Variants in ZKSCAN1 observed in about 807,000 individuals in gnomAD.
The protein encoded by ZKSCAN1 is zinc finger with KRAB and SCAN domains 1, also known as zinc finger protein with KRAB and SCAN domains 1.
ZKSCAN1 carries 14 observed loss-of-function variants against 51.6 expected under a neutral mutation model. That is an observed-to-expected ratio of 0.27 (90% CI 0.18 to 0.42). The LOEUF (loss-of-function observed/expected upper bound fraction) is 0.42. ZKSCAN1 is among the 10% of genes least tolerant of loss of function. ZKSCAN1 has a pLI of 1.00. For synonymous variants in ZKSCAN1, 263 were observed against 261.5 expected, an observed-to-expected ratio of 1.01 and a Z score of -0.06; for missense variants, 531 against 710.0, an observed-to-expected ratio of 0.75 and a Z score of 2.86.
At chr7:100,017,181 T>TA (rs143221456) in intron 1 of ZKSCAN1, among the ~76,000 whole-genome samples, 4,144 of 152,058 alleles carry the variant, frequency 0.027, 189 homozygotes, top group African/African-American at 0.095. Flanking sequence ...GATTGCTCTT[T>TA]AAAAAAATGA....
At chr7:100,031,410 T>G (rs1278152770) in intron 5 of ZKSCAN1, among the ~76,000 whole-genome samples, 1 of 151,550 alleles carries the variant, frequency 6.6e-6, no homozygotes, top group East Asian at 1.9e-4. Flanking sequence ...CCCAAGTAGC[T>G]GGGACTACAG....
In ZKSCAN1 at chr7:100,036,668, A is replaced by G; in HGVS notation, c.*2471A>G. ...AGGAGGCAGAGGTTGCAGTGAGCCAAGATTGCACACTGCACTCCAGCCTGG... is the reference window on the plus strand; with the variant it reads ...AGGAGGCAGAGGTTGCAGTGAGCCAGGATTGCACACTGCACTCCAGCCTGG... On this transcript the variant is annotated 3_prime_UTR_variant, in exon 6 of 6. Coordinates refer to ENST00000324306, the MANE Select transcript of ZKSCAN1 (RefSeq NM_003439.4). 2.1e-6 allele frequency: 2 copies of G among 935,128 alleles called. No homozygotes were observed. The highest frequency in any genetic ancestry group is 1.8e-5 in the African/African-American group (1 of 56,150). 57.9% of individuals were successfully genotyped at this position (935,128 alleles called of 1,614,324 possible). A position where few individuals can be genotyped will look rare whatever the true frequency, so the allele number is the denominator to read the frequency against.
intron 1 of ZKSCAN1, among the ~76,000 whole-genome samples, chr7:100,019,561 C>T (rs1004058340): frequency 6.6e-6 from 1 of 152,010 alleles, no homozygotes; most frequent in Non-Finnish European, 1.5e-5. Context: ...TCTGTATACC[C>T]CACATGTCAG....
Position 100,035,350 on chromosome 7 carries a change from A to G in ZKSCAN1, c.*1153A>G, listed in dbSNP as rs1310935338. On this transcript the variant is annotated 3_prime_UTR_variant, in exon 6 of 6. Coordinates refer to ENST00000324306, the MANE Select transcript of ZKSCAN1 (RefSeq NM_003439.4). ...TAGACTTTCTAAACAGTGAGTAAAT[A>G]CCATGGAATGTCAGAAATGACTTTA... 2.6e-5 allele frequency: 4 copies of G among 152,216 alleles called. No individual in the cohort carries two copies. Among genetic ancestry groups the G allele is most frequent in the African/African-American group, 7.2e-5 (3 of 41,454 alleles). The allele number at this position is 152,216 out of a possible 1,614,324, so 9.4% of individuals were successfully genotyped here.
In ZKSCAN1 at chr7:100,023,926, A is replaced by G; in HGVS notation, c.420A>G (p.Gly140=). ...LLEDLELDLS[G]QQVPGQVHGP... ...AAGACTTGGAGCTTGATTTATCAGG[A>G]CAACAGGTAAAAAGAGGTGAAACCT... The change falls in exon 2 of 6, where the codon GGA becomes GGG. Residue 140 remains glycine, a synonymous_variant. Coordinates refer to ENST00000324306, the MANE Select transcript of ZKSCAN1 (RefSeq NM_003439.4). 7 of 1,582,660 alleles carry G rather than the reference A, an allele frequency of 4.4e-6. No individual in the cohort carries two copies. Among genetic ancestry groups the G allele is most frequent in the Non-Finnish European group, 5.1e-6 (6 of 1,169,604 alleles).
chr7:100,023,939 A>C lies in ZKSCAN1; in HGVS notation c.426+7A>C, dbSNP rs200066941. On this transcript the variant is annotated splice_region_variant and intron_variant, in intron 2 of 5. Transcript: ENST00000324306. ...TGATTTATCAGGACAACAGGTAAAA[A>C]GAGGTGAAACCTATTATGTGTGAGC... The C allele has an allele frequency of 1.6e-5, 25 of 1,571,304 alleles. No homozygotes were observed. The highest frequency in any genetic ancestry group is 7.7e-5 in the Admixed American group (4 of 52,202).
In ZKSCAN1 at chr7:100,036,015, C is replaced by G. The variant is rs1791347564; in HGVS notation, c.*1818C>G. ...AACCCCATATATAGTTTGAGACTTT[C>G]CCTTGAGAAACTTATACTAAAACTA... is the stretch of plus-strand genomic sequence containing the variant. On this transcript the variant is annotated 3_prime_UTR_variant, in exon 6 of 6. Transcript: ENST00000324306. The G allele has an allele frequency of 1.0e-6, 1 of 985,454 alleles. No homozygotes were observed. The highest frequency in any genetic ancestry group is 1.2e-6 in the Non-Finnish European group (1 of 829,936). 61.0% of individuals were successfully genotyped at this position (985,454 alleles called of 1,614,324 possible).
Position 100,040,975 on chromosome 7 carries a change from G to C in ZKSCAN1, c.*6778G>C. On this transcript the variant is annotated 3_prime_UTR_variant, in exon 6 of 6. Coordinates refer to ENST00000324306, the MANE Select transcript of ZKSCAN1 (RefSeq NM_003439.4). ...TTGTCCTAAAAATATATGAGTTTGG[G>C]GGTAAGGGGTGGGATAGCCAAGCAA... is the stretch of plus-strand genomic sequence containing the variant. 3.0e-6 allele frequency: 3 copies of C among 985,176 alleles called. No individual in the cohort carries two copies. In the South Asian group the frequency reaches 1.4e-4, roughly 46 times the overall value. 61.0% of individuals were successfully genotyped at this position (985,176 alleles called of 1,614,324 possible).
At chr7:100,044,607 G>T (rs539149422), downstream of ZKSCAN1, among the ~76,000 whole-genome samples, 27 of 151,402 alleles carry the variant, frequency 1.8e-4, no homozygotes, top group African/African-American at 6.5e-4. Flanking sequence ...CGTGAACCCG[G>T]GAGGTGGAGC....
At chr7:100,044,163 T>C (rs1482781817), downstream of ZKSCAN1, among the ~76,000 whole-genome samples, 1 of 152,112 alleles carries the variant, frequency 6.6e-6, no homozygotes, top group Non-Finnish European at 1.5e-5. Flanking sequence ...CTGGCCTGTG[T>C]TCAGCAAGAA....
At chr7:100,020,512 T>TA (rs1043725690) in intron 1 of ZKSCAN1, among the ~76,000 whole-genome samples, 1 of 151,484 alleles carries the variant, frequency 6.6e-6, no homozygotes, top group African/African-American at 2.4e-5. Flanking sequence ...GGAACTAGAT[T>TA]AAAAAAAATA....
At chr7:100,020,835 C>G (rs753004199) in intron 1 of ZKSCAN1, among the ~76,000 whole-genome samples, 2 of 152,090 alleles carry the variant, frequency 1.3e-5, no homozygotes, top group Non-Finnish European at 2.9e-5. Flanking sequence ...CAATTTGATG[C>G]TTAGTTTTGA....
Position 100,033,386 on chromosome 7 carries a change from C to T in ZKSCAN1, c.881C>T (p.Thr294Ile). ...GATTCAGCATCACGCGGGGAGACAA[C>T]AGGAAGATCCCAGAAAGAGTTTGGA... ...SEDSASRGET[T>I]GRSQKEFGEK... Residue 294 changes from threonine to isoleucine, a missense_variant, in exon 6 of 6, where the codon ACA becomes ATA. Transcript: ENST00000324306. This position sits in a 1 kb window ranked among gnomAD's most constrained non-coding sequence, Gnocchi z 4.1. The T allele has an allele frequency of 6.2e-7, 1 of 1,613,990 alleles. No individual in the cohort carries two copies. Among genetic ancestry groups the T allele is most frequent in the Non-Finnish European group, 8.5e-7 (1 of 1,180,010 alleles).
In ZKSCAN1 at chr7:100,029,964, C is replaced by G. The variant is rs556594221; in HGVS notation, c.672+12C>G. The G allele has an allele frequency of 6.2e-7, 1 of 1,613,250 alleles. No individual in the cohort carries two copies. The highest frequency in any genetic ancestry group is 2.2e-5 in the East Asian group (1 of 44,884). ...CAGCGGATTCCCAGGTGAGCTGTGG[C>G]CCCTCTGCTCTCCTGAGTCCTCAGT... On this transcript the variant is annotated intron_variant, in intron 4 of 5. Transcript: ENST00000324306.
chr7:100,022,598 A>G (rs2115842969), intron 1 of ZKSCAN1, among the ~76,000 whole-genome samples: 1 of 152,332 alleles, frequency 6.6e-6, no homozygotes, highest in African/African-American at 2.4e-5. Flanking sequence ...AGTCACTCAT[A>G]AAAATAGCAA....
intron 3 of ZKSCAN1, among the ~76,000 whole-genome samples, chr7:100,027,255 C>T (rs1790879572): frequency 6.6e-6 from 1 of 150,854 alleles, no homozygotes; most frequent in Admixed American, 6.6e-5. Context: ...AAGATGGCTC[C>T]TCTGCACTCC....
chr7:100,026,726 GA>G (rs898080791), intron 3 of ZKSCAN1, among the ~76,000 whole-genome samples: 274 of 146,818 alleles, frequency 1.9e-3, no homozygotes, highest in African/African-American at 6.5e-3. Context: ...CTCTGTCTCA[GA>G]AAAAAAAAAT....
At chr7:100,042,737 CGTGTGT>C (rs34820993), downstream of ZKSCAN1, among the ~76,000 whole-genome samples, 31 of 144,760 alleles carry the variant, frequency 2.1e-4, no homozygotes, top group East Asian at 6.1e-4. Flanking sequence ...TATAGATACA[CGTGTGT>C]GTGTGTGTGT....
intron 3 of ZKSCAN1, chr7:100,025,058 A>G (rs1790765964): frequency 6.6e-6 from 1 of 152,002 alleles, no homozygotes; most frequent in Non-Finnish European, 1.5e-5. Flanking sequence ...GTTAAATGTT[A>G]CTACGAAGGC....
Sources: gnomAD v4.1 joint callset for allele counts (sites outside exome capture counted in the v4.1 genomes callset) on GRCh38, gnomAD v4.1.1 for gene constraint, Gnocchi (gnomAD v3.1) non-coding constraint, MANE v1.5 for transcripts, NCBI Gene and HGNC (gene_info 2026-07-23, HGNC 2026-07-21) for gene names.